HCLS1: variants seen among roughly 807,000 people sequenced by gnomAD.
HCLS1 encodes hematopoietic cell-specific Lyn substrate 1.
A neutral mutation model predicts 68.6 loss-of-function variants in HCLS1; 44 were observed. That is an observed-to-expected ratio of 0.64 (90% CI 0.50 to 0.82). The LOEUF (loss-of-function observed/expected upper bound fraction) is 0.82, where lower values mean the gene tolerates loss of function less well. Ranked by LOEUF, HCLS1 falls within the 40% of genes least tolerant of loss-of-function variation. The pLI is 0.00. For synonymous variants in HCLS1, 217 were observed against 225.8 expected (o/e 0.96, Z 0.35); for missense variants, 602 against 612.1 (o/e 0.98, Z 0.17).
At chr3:121,639,806 C>A (rs1233221397) in intron 6 of HCLS1, among the ~76,000 whole-genome samples, 1 of 152,086 alleles carries the variant, frequency 6.6e-6, no homozygotes, top group East Asian at 1.9e-4. Context: ...TTCAAGTGCC[C>A]ATATAGTAAA....
intron 6 of HCLS1, among the ~76,000 whole-genome samples, chr3:121,638,638 C>T (rs759823962): frequency 2.6e-5 from 4 of 151,918 alleles, no homozygotes; most frequent in Non-Finnish European, 5.9e-5. Flanking sequence ...ATTTTTTTTC[C>T]ACTTATGTGA....
intron 6 of HCLS1, among the ~76,000 whole-genome samples, chr3:121,639,083 G>A (rs2049175327): frequency 6.6e-6 from 1 of 151,868 alleles, no homozygotes; most frequent in East Asian, 1.9e-4. Flanking sequence ...GACAGAAGTA[G>A]AAAGAGAAAT....
Position 121,634,273 on chromosome 3 carries a change from T to C in HCLS1, c.837A>G (p.Pro279=). The change falls in exon 10 of 14, where the codon CCA becomes CCG. Residue 279 remains proline, a synonymous_variant. Transcript: ENST00000314583. ...KAVTKRSPEA[P]QPVIAMEEPA... is the part of the protein sequence containing the mutation. ...GCTCTTCCATAGCTATCACTGGCTG[T>C]GGAGCCTCAGGGCTCCTCTTTGTCA... The C allele has an allele frequency of 6.2e-7, 1 of 1,613,228 alleles. No individual in the cohort carries two copies.
intron 10 of HCLS1, among the ~76,000 whole-genome samples, chr3:121,633,458 G>A (rs1331689217): frequency 6.6e-6 from 1 of 152,114 alleles, no homozygotes; most frequent in African/African-American, 2.4e-5. Flanking sequence ...TCCTGACCTC[G>A]TGATCTGTCT....
intron 5 of HCLS1, chr3:121,644,365 C>G (rs903362786): frequency 6.8e-6 from 2 of 292,562 alleles, no homozygotes; most frequent in Non-Finnish European, 1.4e-5. Flanking sequence ...TAGATTGATG[C>G]TAAATTCTGT....
At chr3:121,633,329 C>T (rs532131577) in intron 10 of HCLS1, among the ~76,000 whole-genome samples, 158 bp from the exon 11 acceptor site, 3 of 152,266 alleles carry the variant, frequency 2.0e-5, no homozygotes, top group African/African-American at 4.8e-5. Flanking sequence ...GATTCTCCTG[C>T]CTCAGCCCCC....
intron 1 of HCLS1, among the ~76,000 whole-genome samples, chr3:121,660,134 C>G (rs781372548): frequency 1.3e-5 from 2 of 152,186 alleles, no homozygotes; most frequent in Non-Finnish European, 2.9e-5. Flanking sequence ...GAGGGACCAT[C>G]ACAAGGGCAT....
intron 7 of HCLS1, 95 bp downstream of exon 7, chr3:121,637,051 C>CCTCTGTATTCTGTATT: frequency 1.2e-6 from 1 of 836,802 alleles, no homozygotes; most frequent in East Asian, 2.4e-5. Flanking sequence ...CACATCTGCC[C>CCTCTGTATTCTGTATT]CTCTGTATTC....
chr3:121,635,670 T>C, intron 9 of HCLS1, 65 bp downstream of exon 9: 1 of 1,277,704 alleles, frequency 7.8e-7, no homozygotes, highest in Middle Eastern at 1.9e-4. Context: ...GGATATAGTC[T>C]GGGGAAGAAA....
chr3:121,637,493 AT>A (rs956775804), intron 6 of HCLS1, among the ~76,000 whole-genome samples: 1 of 151,910 alleles, frequency 6.6e-6, no homozygotes, highest in African/African-American at 2.4e-5. Flanking sequence ...GAACATTCCC[AT>A]TTTCTCCCTT....
At chr3:121,640,569 T>C (rs1366413039) in intron 6 of HCLS1, among the ~76,000 whole-genome samples, 1 of 151,620 alleles carries the variant, frequency 6.6e-6, no homozygotes, top group Admixed American at 6.6e-5. Flanking sequence ...GGAACCATAA[T>C]GAAACCATAA....
intron 5 of HCLS1, chr3:121,643,336 T>C (rs1052796082): frequency 4.8e-6 from 1 of 207,568 alleles, no homozygotes; most frequent in African/African-American, 2.3e-5. Context: ...TCCCTCTTCA[T>C]CTGGGATGTC....
In HCLS1 at chr3:121,631,832, A is replaced by G. The variant is rs368592702; in HGVS notation, c.*14T>C. Reference sequence around the variant, plus strand: ...ACATGGGAAATCACAGTTGCAGTAGACAGTGAGCTCTAGTCACTCCAGAAG... The same window carrying G: ...ACATGGGAAATCACAGTTGCAGTAGGCAGTGAGCTCTAGTCACTCCAGAAG... On this transcript the variant is annotated 3_prime_UTR_variant, in exon 14 of 14. Transcript: ENST00000314583. 6.8e-6 allele frequency: 11 copies of G among 1,614,008 alleles called. No individual in the cohort carries two copies. In the African/African-American group the frequency reaches 1.1e-4, roughly 16 times the overall value.
At chr3:121,639,014 C>T (rs951687978) in intron 6 of HCLS1, among the ~76,000 whole-genome samples, 1 of 130,900 alleles carries the variant, frequency 7.6e-6, no homozygotes, top group Non-Finnish European at 1.7e-5. Context: ...GACTCCAACA[C>T]ACACACACAC....
At chr3:121,643,805 G>A (rs2049221752) in intron 5 of HCLS1, 1 of 152,200 alleles carries the variant, frequency 6.6e-6, no homozygotes, top group African/African-American at 2.4e-5. Flanking sequence ...TGGCTTGTGA[G>A]CAAAAGATGT....
intron 8 of HCLS1, 47 bp downstream of exon 8, chr3:121,636,387 T>C (rs745626617): frequency 1.3e-6 from 2 of 1,497,924 alleles, no homozygotes; most frequent in Non-Finnish European, 9.3e-7. Context: ...CACACTTTCC[T>C]AAACTTAGGG....
rs1290524283 is a variant in HCLS1 at position 121,633,064 on chromosome 3, T to C, written c.1008+3A>G. ...GGCAGAGAATCTTTGGGGGTTTGCT[T>C]ACCTCCGGGAGAGTCTGCCTAATGG... On this transcript the variant is annotated splice_donor_region_variant and intron_variant, in intron 11 of 13. Coordinates refer to ENST00000314583, the MANE Select transcript of HCLS1 (RefSeq NM_005335.6). The C allele has an allele frequency of 6.3e-7, 1 of 1,596,920 alleles. No individual in the cohort carries two copies. Among genetic ancestry groups the C allele is most frequent in the Non-Finnish European group, 8.6e-7 (1 of 1,165,078 alleles).
chr3:121,634,639 G>A (rs562231596), intron 9 of HCLS1, among the ~76,000 whole-genome samples: 2 of 152,074 alleles, frequency 1.3e-5, no homozygotes, highest in Non-Finnish European at 1.5e-5. Context: ...CCTAAGACTC[G>A]TGTCTTTTTT....
rs550150666 is a variant in HCLS1, at chr3:121,635,356, C to T, written c.691+379G>A. Among the ~76,000 whole-genome samples the T allele has an allele frequency of 6.6e-5, 10 of 150,852 alleles. No homozygotes were observed. The South Asian group carries it at 1.3e-3, about 19-fold the overall frequency. On this transcript the variant is annotated intron_variant, in intron 9 of 13. Coordinates refer to ENST00000314583, the MANE Select transcript of HCLS1 (RefSeq NM_005335.6). ...TGAGTGGCATGATCTCAGCTCACTC[C>T]GACTTCCGCCTCCTGGGTTCAAGTG...
Sources: gnomAD v4.1 joint callset for allele counts (sites outside exome capture counted in the v4.1 genomes callset) on GRCh38, gnomAD v4.1.1 for gene constraint, MANE v1.5 for transcripts, NCBI Gene and HGNC (gene_info 2026-07-23, HGNC 2026-07-21) for gene names.